RMP64: variants seen among roughly 807,000 people sequenced by gnomAD.
RMP64 encodes the protein nucleolus and neural progenitor protein.
At chr3:113,013,511 G>A in the RMP64 span, 5 of 1,057,806 alleles carry the variant, frequency 4.7e-6, no homozygotes, top group South Asian at 8.5e-5. Flanking sequence ...ATATGACAAA[G>A]GATTGAAACA....
the RMP64 span, chr3:113,015,203 C>A: frequency 1.3e-5 from 2 of 152,140 alleles, no homozygotes; most frequent in Non-Finnish European, 2.9e-5. Flanking sequence ...GCATTTTGTA[C>A]CATGCATGGC....
At chr3:113,017,736 G>GT in the RMP64 span, 1 of 704,706 alleles carries the variant, frequency 1.4e-6, no homozygotes, top group Non-Finnish European at 2.3e-6. Flanking sequence ...AGTCTCAACT[G>GT]TAAGAACGTA....
At chr3:113,010,916 A>G in the RMP64 span, 6 of 911,668 alleles carry the variant, frequency 6.6e-6, no homozygotes, top group Non-Finnish European at 9.9e-6. Context: ...TCTCTAATCA[A>G]TATGAGTCAA....
chr3:113,013,303 G>A, the RMP64 span: 17 of 1,613,546 alleles, frequency 1.1e-5, no homozygotes, highest in East Asian at 2.2e-5. Flanking sequence ...TCCAACAAGC[G>A]GAGCAACAAC....
chr3:113,013,943 A>G, the RMP64 span: 1 of 1,598,488 alleles, frequency 6.3e-7, no homozygotes. Context: ...CAACTGGACC[A>G]CTTACTTACT....
the RMP64 span, chr3:113,009,600 G>C: frequency 6.6e-6 from 1 of 152,168 alleles, no homozygotes; most frequent in African/African-American, 2.4e-5. Context: ...GAATAGTAAA[G>C]AAGAAAGACT....
the RMP64 span, among the ~76,000 whole-genome samples, chr3:113,007,314 T>C: frequency 6.6e-6 from 1 of 152,176 alleles, no homozygotes; most frequent in Non-Finnish European, 1.5e-5. Context: ...CTTTTTTTTT[T>C]CTAAAACAGG....
At chr3:113,007,468 T>A in the RMP64 span, among the ~76,000 whole-genome samples, 1 of 152,116 alleles carries the variant, frequency 6.6e-6, no homozygotes, top group African/African-American at 2.4e-5. Flanking sequence ...TGTTAAAGAA[T>A]ACAATAAAAA....
chr3:113,007,147 G>A, the RMP64 span, among the ~76,000 whole-genome samples: 5 of 151,926 alleles, frequency 3.3e-5, no homozygotes, highest in Non-Finnish European at 7.4e-5. Flanking sequence ...CTCAGGCTGC[G>A]TCTCCAGCCA....
chr3:113,011,830 T>C, the RMP64 span, among the ~76,000 whole-genome samples: 1 of 152,130 alleles, frequency 6.6e-6, no homozygotes, highest in Non-Finnish European at 1.5e-5. Context: ...GTATCAAAGG[T>C]TTAGCATTTT....
At chr3:113,005,430 C>A in the RMP64 span, 1 of 703,262 alleles carries the variant, frequency 1.4e-6, no homozygotes, top group South Asian at 1.7e-5. Context: ...TGCACTAAAG[C>A]AGCTCCTCTG....
At chr3:113,013,970 A>C in the RMP64 span, 75 of 1,613,278 alleles carry the variant, frequency 4.6e-5, no homozygotes, top group Non-Finnish European at 5.9e-5. Context: ...AAAACAACTC[A>C]AACAGGTCTT....
the RMP64 span, chr3:113,008,261 C>T: frequency 1.2e-6 from 2 of 1,613,966 alleles, no homozygotes; most frequent in African/African-American, 2.7e-5. Context: ...TTTTTTGCTC[C>T]TGCACCATAC....
chr3:113,019,334 G>C, the RMP64 span, among the ~76,000 whole-genome samples: 1 of 152,336 alleles, frequency 6.6e-6, no homozygotes, highest in South Asian at 2.1e-4. Context: ...GGTTAGCACA[G>C]CTGGTTCAAT....
chr3:113,008,536 A>G, the RMP64 span: 6 of 960,620 alleles, frequency 6.2e-6, no homozygotes, highest in Non-Finnish European at 9.4e-6. Flanking sequence ...AATTAGAATT[A>G]TCAGTCCCTA....
the RMP64 span, among the ~76,000 whole-genome samples, chr3:113,006,586 A>G: frequency 6.6e-6 from 1 of 152,246 alleles, no homozygotes. Flanking sequence ...TGATCATTTT[A>G]GGTGTTTTGC....
At chr3:113,019,281 G>A in the RMP64 span, 8 of 508,312 alleles carry the variant, frequency 1.6e-5, no homozygotes, top group Non-Finnish European at 2.4e-5. Flanking sequence ...CCCCCTCAGC[G>A]CACGGCTGAG....
At chr3:113,004,777 C>G in the RMP64 span, 1 of 152,336 alleles carries the variant, frequency 6.6e-6, no homozygotes, top group East Asian at 1.9e-4. Context: ...TATCTCCTAA[C>G]CTCATTTTTT....
At chr3:113,011,558 GA>G in the RMP64 span, 1 of 548,056 alleles carries the variant, frequency 1.8e-6, no homozygotes. Flanking sequence ...CGAACAGCCA[GA>G]TTAGTCCAAC....
Sources: allele counts gnomAD v4.1 joint callset (sites outside exome capture counted in the v4.1 genomes callset), GRCh38; gene constraint gnomAD v4.1.1; transcripts MANE v1.5; gene names NCBI Gene and HGNC (gene_info 2026-07-23, HGNC 2026-07-21).